ZMAT5: variants seen among roughly 807,000 people sequenced by gnomAD.
ZMAT5 encodes the protein zinc finger matrin-type 5, also known as zinc finger matrin-type protein 5.
Under a neutral mutation model 28.0 loss-of-function variants are expected in ZMAT5, and 23 were observed. The ratio of observed to expected loss-of-function variants is 0.82; its 90% CI spans 0.59 to 1.16. The LOEUF is 1.16. Ranked by LOEUF, ZMAT5 falls within the 50% of genes most tolerant of loss-of-function variation. The pLI, the probability that ZMAT5 is intolerant of heterozygous loss-of-function variation, is 0.00. For missense variants in ZMAT5, 173 were observed against 212.7 expected (o/e 0.81, Z 1.16); for synonymous variants, 76 against 84.1 (o/e 0.90, Z 0.52).
At chr22:29,760,295 C>A (rs2068144347) in intron 1 of ZMAT5, among the ~76,000 whole-genome samples, 1 of 151,396 alleles carries the variant, frequency 6.6e-6, no homozygotes, top group African/African-American at 2.4e-5. Context: ...ATCGCTTGAA[C>A]CTGAGAGGCG....
intron 1 of ZMAT5, among the ~76,000 whole-genome samples, chr22:29,757,158 G>A (rs78464866): frequency 0.045 from 6,698 of 150,266 alleles, 524 homozygotes; most frequent in African/African-American, 0.16. Context: ...CAAGGCTGCA[G>A]TGTGACGTGA....
intron 5 of ZMAT5, among the ~76,000 whole-genome samples, chr22:29,737,043 C>G (rs1354776097): frequency 7.4e-6 from 1 of 134,528 alleles, no homozygotes; most frequent in Admixed American, 7.4e-5. Flanking sequence ...AAAAAAAAAG[C>G]CGAGTGTGGT....
chr22:29,755,101 G>T (rs2068086999), intron 1 of ZMAT5, among the ~76,000 whole-genome samples: 1 of 151,902 alleles, frequency 6.6e-6, no homozygotes, highest in Non-Finnish European at 1.5e-5. Context: ...TTTGAGACCA[G>T]CCTGACCAAC....
In ZMAT5 at chr22:29,740,691, A is replaced by C. The variant is rs752716627; in HGVS notation, c.230T>G (p.Met77Arg). ...DFGSNCRFSH[M>R]SERDLQELSI... ...CAGCTCCTGCAGGTCTCGCTCTGAC[A>C]TGTGGGAAAATCTGCAGTTGGAGCC... is the stretch of plus-strand genomic sequence containing the variant. The change falls in exon 4 of 6, where the codon ATG becomes AGG. Residue 77 changes from methionine (M) to arginine (R), a missense_variant. Physicochemically the swap from Met to Arg is moderately conservative, Grantham distance 91. Transcript: ENST00000344318. The C allele has an allele frequency of 2.1e-5, 33 of 1,605,154 alleles. No individual in the cohort carries two copies. Among genetic ancestry groups the C allele is most frequent in the Non-Finnish European group, 2.8e-5 (33 of 1,176,246 alleles).
rs555612755 is a variant in ZMAT5 at position 29,745,111 on chromosome 22, C to T, written c.128-2631G>A. ...GAGAACAAGTCGGAGCTGGTCCTTC[C>T]TTCTGGTCCAACAGTCACACTAATC... On this transcript the variant is annotated intron_variant, in intron 2 of 5. Coordinates refer to ENST00000344318, the MANE Select transcript of ZMAT5 (RefSeq NM_001003692.2). Among the ~76,000 whole-genome samples, 13 of 152,368 alleles carry T rather than the reference C, an allele frequency of 8.5e-5. No homozygotes were observed. The East Asian group carries it at 2.5e-3, about 29-fold the overall frequency.
chr22:29,760,024 A>G (rs974124352), intron 1 of ZMAT5, among the ~76,000 whole-genome samples: 2 of 152,082 alleles, frequency 1.3e-5, no homozygotes, highest in Non-Finnish European at 2.9e-5. Flanking sequence ...AACATGGTGA[A>G]ACCCCATCTC....
At chr22:29,731,507 C>T (rs2066516292) in intron 5 of ZMAT5, 153 bp from the exon 6 acceptor site, 4 of 1,037,190 alleles carry the variant, frequency 3.9e-6, no homozygotes, top group East Asian at 3.2e-5. Context: ...ATAGGCAGAC[C>T]GTTTGAGCCA....
At chr22:29,759,340 T>C (rs2068133254) in intron 1 of ZMAT5, among the ~76,000 whole-genome samples, 1 of 152,136 alleles carries the variant, frequency 6.6e-6, no homozygotes, top group East Asian at 1.9e-4. Context: ...AAGAAAGAAC[T>C]CAGCTCCTCA....
chr22:29,764,564 G>T (rs1218818176), intron 1 of ZMAT5, among the ~76,000 whole-genome samples: 1 of 152,118 alleles, frequency 6.6e-6, no homozygotes, highest in Non-Finnish European at 1.5e-5. Flanking sequence ...GCAGTGACGC[G>T]ATCTCAGTTA....
intron 3 of ZMAT5, 34 bp downstream of exon 3, chr22:29,742,384 C>T (rs760112919): frequency 4.1e-5 from 66 of 1,608,414 alleles, no homozygotes; most frequent in Admixed American, 6.7e-5. Flanking sequence ...ATCGCAGGTC[C>T]CCGCAGGGAC....
At chr22:29,748,676 A>T in intron 1 of ZMAT5, 105 bp from the exon 2 acceptor site, 1 of 1,405,868 alleles carries the variant, frequency 7.1e-7, no homozygotes, top group East Asian at 2.4e-5. Flanking sequence ...GGCTTTACTC[A>T]TATGCACCCC....
At chr22:29,754,087 C>T (rs867105540) in intron 1 of ZMAT5, among the ~76,000 whole-genome samples, 4 of 152,080 alleles carry the variant, frequency 2.6e-5, no homozygotes, top group African/African-American at 7.2e-5. Context: ...TACTTGGCAG[C>T]CGAGGAGGGG....
rs184381248 is a variant in ZMAT5 at position 29,756,217 on chromosome 22, C to T, written c.-27-7646G>A. Among the ~76,000 whole-genome samples, 22 of 152,328 alleles carry T rather than the reference C, an allele frequency of 1.4e-4. No homozygotes were observed. The South Asian group carries it at 1.9e-3, about 13-fold the overall frequency. ...TAAACAGTAAACCACAGCCAGAGGA[C>T]GGCTTTATTGCACGCCCACTAGGAG... is the stretch of plus-strand genomic sequence containing the variant. On this transcript the variant is annotated intron_variant, in intron 1 of 5. Transcript: ENST00000344318.
At chr22:29,764,370 T>G (rs1474404461) in intron 1 of ZMAT5, among the ~76,000 whole-genome samples, 2 of 152,220 alleles carry the variant, frequency 1.3e-5, no homozygotes, top group Non-Finnish European at 2.9e-5. Context: ...CTCATGGATG[T>G]AAAGCATTTC....
chr22:29,736,564 A>C (rs933655406), intron 5 of ZMAT5, among the ~76,000 whole-genome samples: 4 of 151,798 alleles, frequency 2.6e-5, no homozygotes, highest in African/African-American at 9.7e-5. Flanking sequence ...TACTAAAAAT[A>C]CAAAAATTAG....
intron 1 of ZMAT5, among the ~76,000 whole-genome samples, chr22:29,748,823 T>C (rs2147227851): frequency 6.6e-6 from 1 of 152,292 alleles, no homozygotes; most frequent in African/African-American, 2.4e-5. Context: ...CTGGGCACTG[T>C]TTTTTCTTGA....
intron 1 of ZMAT5, among the ~76,000 whole-genome samples, chr22:29,748,791 G>A (rs2068032442): frequency 6.6e-6 from 1 of 152,252 alleles, no homozygotes; most frequent in Non-Finnish European, 1.5e-5. Flanking sequence ...GCCAGTTAAA[G>A]TAGAACCTCA....
rs560707679 is a variant in ZMAT5, at chr22:29,732,542, C to G, written c.384-1188G>C. On this transcript the variant is annotated intron_variant, in intron 5 of 5. Transcript: ENST00000344318. ...CACGAGATCAGGAGATCGAGACCAT[C>G]CTGGCTAACATGGTGAAACCCCGTC... Among the ~76,000 whole-genome samples the G allele has an allele frequency of 9.2e-5, 14 of 152,058 alleles. No homozygotes were observed. The East Asian group carries it at 2.7e-3, about 29-fold the overall frequency.
At chr22:29,744,957 A>G (rs953099879) in intron 2 of ZMAT5, among the ~76,000 whole-genome samples, 1 of 152,152 alleles carries the variant, frequency 6.6e-6, no homozygotes, top group Non-Finnish European at 1.5e-5. Flanking sequence ...TTCTTGCTTC[A>G]TCTCCCAGAT....
Sources: allele counts gnomAD v4.1 joint callset (sites outside exome capture counted in the v4.1 genomes callset), GRCh38; gene constraint gnomAD v4.1.1; transcripts MANE v1.5; gene names NCBI Gene and HGNC (gene_info 2026-07-23, HGNC 2026-07-21).